SLC43A2: variants seen among roughly 807,000 people sequenced by gnomAD.
SLC43A2 encodes solute carrier family 43 member 2.
Under a neutral mutation model 63.2 loss-of-function variants are expected in SLC43A2, and 38 were observed. That is an observed-to-expected ratio of 0.60 (90% confidence interval 0.46 to 0.79). SLC43A2 has a LOEUF of 0.79. SLC43A2 is among the 30% of genes least tolerant of loss of function. The probability of loss-of-function intolerance (pLI) is 0.00; values close to 1 mark genes in which losing one functional copy is unlikely to be tolerated. For synonymous variants in SLC43A2, 322 were observed against 331.0 expected, an observed-to-expected ratio of 0.97 and a Z score of 0.30; for missense variants, 644 against 756.2, an observed-to-expected ratio of 0.85 and a Z score of 1.74.
In SLC43A2 at chr17:1,575,429, G is replaced by A. The variant is rs1168245740; in HGVS notation, c.*175C>T. On this transcript the variant is annotated 3_prime_UTR_variant, in exon 14 of 14. Transcript: ENST00000301335. ...CGGCAGGAGAAAACGCGCGTGTCCG[G>A]GGCCCTCTCCCGTCCTTCCACCACA... is the stretch of plus-strand genomic sequence containing the variant. The A allele has an allele frequency of 1.1e-5, 9 of 806,118 alleles. No individual in the cohort carries two copies. Among genetic ancestry groups the A allele is most frequent in the South Asian group, 1.0e-4 (6 of 57,596 alleles). 49.9% of individuals were successfully genotyped at this position (806,118 alleles called of 1,614,324 possible). A position where few individuals can be genotyped will look rare whatever the true frequency, so the allele number is the denominator to read the frequency against.
At chr17:1,608,920 A>G (rs887126040) in intron 5 of SLC43A2, among the ~76,000 whole-genome samples, 2 of 152,166 alleles carry the variant, frequency 1.3e-5, no homozygotes, top group African/African-American at 4.8e-5. Flanking sequence ...GTGTCTTTGT[A>G]TTTGAAAGAG....
At position 1,578,462 on chromosome 17, in the gene SLC43A2, T is replaced by A; in HGVS notation, c.1351-139A>T. 1 of 706,832 alleles carries A rather than the reference T, an allele frequency of 1.4e-6. No homozygotes were observed. Among genetic ancestry groups the A allele is most frequent in the Non-Finnish European group, 2.3e-6 (1 of 441,598 alleles). 43.8% of individuals were successfully genotyped at this position (706,832 alleles called of 1,614,324 possible). A position where few individuals can be genotyped will look rare whatever the true frequency, so the allele number is the denominator to read the frequency against. On this transcript the variant is annotated intron_variant, in intron 11 of 13. Coordinates refer to ENST00000301335, the MANE Select transcript of SLC43A2 (RefSeq NM_152346.3). The surrounding 1 kb of genome is among the most constrained non-coding windows in gnomAD (Gnocchi z 6.5). ...GATCAACCCCATCCTCCGGAGCCAA[T>A]TGTGAATTTTCAGAAATTTTGCAAG...
chr17:1,576,768 C>A, intron 12 of SLC43A2, 48 bp from the exon 13 acceptor site: 1 of 1,593,666 alleles, frequency 6.3e-7, no homozygotes. Context: ...CTGGGCTTTG[C>A]TTGGCCCCAG....
intron 9 of SLC43A2, among the ~76,000 whole-genome samples, chr17:1,588,804 C>T (rs777849241): frequency 1.3e-5 from 2 of 152,028 alleles, no homozygotes; most frequent in African/African-American, 4.8e-5. Context: ...GGGTCTCAAA[C>T]GCTGGGAGGC....
intron 9 of SLC43A2, among the ~76,000 whole-genome samples, chr17:1,590,037 C>G (rs1404052827): frequency 2.0e-5 from 3 of 152,124 alleles, no homozygotes; most frequent in Non-Finnish European, 4.4e-5. Context: ...TTCACAAGTC[C>G]TAGGGTATCT....
At chr17:1,614,883 G>A in intron 4 of SLC43A2, 96 bp downstream of exon 4, 9 of 1,252,452 alleles carry the variant, frequency 7.2e-6, no homozygotes, top group Non-Finnish European at 1.0e-5. Flanking sequence ...GGGAGCAGCA[G>A]GCCCAGGACA....
At chr17:1,582,119 A>G (rs538853587) in intron 11 of SLC43A2, among the ~76,000 whole-genome samples, 19 of 144,760 alleles carry the variant, frequency 1.3e-4, no homozygotes, top group Non-Finnish European at 2.0e-4. Flanking sequence ...TCACTCTGTC[A>G]TCCAGGCTGG....
At position 1,578,117 on chromosome 17, in the gene SLC43A2, T is replaced by TC. The variant is rs957733174; in HGVS notation, c.1424+132dup. 1.2e-6 allele frequency: 1 copy of TC among 824,794 alleles called. No individual in the cohort carries two copies. The highest frequency in any genetic ancestry group is 1.7e-5 in the African/African-American group (1 of 58,670). 51.1% of individuals were successfully genotyped at this position (824,794 alleles called of 1,614,324 possible). On this transcript the variant is annotated intron_variant, in intron 12 of 13. Transcript: ENST00000301335. The surrounding 1 kb of genome is among the most constrained non-coding windows in gnomAD (Gnocchi z 6.5). ...CACCCAGCAGAAACCCTGGTACCTG[T>TC]CCCCTGAAGCAGGAAGATGAGCCCT... is the stretch of plus-strand genomic sequence containing the variant.
intron 10 of SLC43A2, among the ~76,000 whole-genome samples, chr17:1,584,640 C>T (rs1266829785): frequency 6.9e-6 from 1 of 145,942 alleles, no homozygotes; most frequent in African/African-American, 2.5e-5. Flanking sequence ...TGTGAAACCC[C>T]TGTCTCTACT....
intron 6 of SLC43A2, among the ~76,000 whole-genome samples, chr17:1,591,961 A>G (rs375207661): frequency 4.6e-5 from 7 of 152,316 alleles, no homozygotes; most frequent in Admixed American, 3.3e-4. Context: ...CCGCCCCGCC[A>G]TGACCACGGC....
At chr17:1,585,522 A>G in intron 10 of SLC43A2, 1 of 462,174 alleles carries the variant, frequency 2.2e-6, no homozygotes, top group South Asian at 2.0e-5. Context: ...TTGGTATTAT[A>G]GGCATGAACC....
chr17:1,583,165 C>CCCCACCT lies in SLC43A2; in HGVS notation c.1350+32_1350+38dup, dbSNP rs766705251. On this transcript the variant is annotated intron_variant, in intron 11 of 13. Coordinates refer to ENST00000301335, the MANE Select transcript of SLC43A2 (RefSeq NM_152346.3). This position sits in a 1 kb window ranked among gnomAD's most constrained non-coding sequence, Gnocchi z 5.5. ...AGTCTTTACATGTTCCTTCTGACTG[C>CCCCACCT]CCCACCTCCCACCTGCCCCTCCCAC... 5.0e-6 allele frequency: 8 copies of CCCCACCT among 1,601,658 alleles called. No individual in the cohort carries two copies. In the East Asian group the frequency reaches 1.8e-4, roughly 36 times the overall value.
Position 1,588,317 on chromosome 17 carries a change from C to T in SLC43A2, c.1079-2266G>A, listed in dbSNP as rs377200798. On this transcript the variant is annotated intron_variant, in intron 9 of 13. Transcript: ENST00000301335. ...AGAACAATCGCTTGAACCCGAGAGGCGGAGGTTGCAGTGAGCCGAGCTCAT... is the reference window on the plus strand; with the variant it reads ...AGAACAATCGCTTGAACCCGAGAGGTGGAGGTTGCAGTGAGCCGAGCTCAT... 4.6e-5 allele frequency among the ~76,000 whole-genome samples: 7 copies of T among 151,800 alleles called. No individual in the cohort carries two copies. The South Asian group carries it at 1.5e-3, about 32-fold the overall frequency.
At chr17:1,615,842 C>CAATAAATAAATA (rs55746555) in intron 3 of SLC43A2, among the ~76,000 whole-genome samples, 4,867 of 118,732 alleles carry the variant, frequency 0.041, 205 homozygotes, top group African/African-American at 0.099. Flanking sequence ...GACTCCATCT[C>CAATAAATAAATA]AATAAATAAA....
In SLC43A2 at chr17:1,615,102, T is replaced by G. The variant is rs112497311; in HGVS notation, c.369-68A>C. 267 of 1,587,824 alleles carry G rather than the reference T, an allele frequency of 1.7e-4. 1 individual carries two copies. The highest frequency in any genetic ancestry group is 8.2e-4 in the South Asian group (73 of 89,536). The stretch of plus-strand genomic sequence containing the variant: ...TTATTCAGTGTTATTGTTTTGTTTT[T>G]GTTTTTGGTTTTTGGTTTTTCTTGA... On this transcript the variant is annotated intron_variant, in intron 3 of 13. Coordinates refer to ENST00000301335, the MANE Select transcript of SLC43A2 (RefSeq NM_152346.3).
At chr17:1,594,360 A>T (rs925495088) in intron 5 of SLC43A2, among the ~76,000 whole-genome samples, 14 of 152,184 alleles carry the variant, frequency 9.2e-5, no homozygotes, top group African/African-American at 3.1e-4. Flanking sequence ...GCCTAGGGCA[A>T]ACTACATCCT....
At position 1,583,733 on chromosome 17, in the gene SLC43A2, A is replaced by C; in HGVS notation, c.1218-397T>G. Reference sequence around the variant, plus strand: ...TGATAAGAAGCCAGATACAAGCCAAATAGGGGAGTGAATGGGTTTCCCCTT... The same window carrying C: ...TGATAAGAAGCCAGATACAAGCCAACTAGGGGAGTGAATGGGTTTCCCCTT... On this transcript the variant is annotated intron_variant, in intron 10 of 13. Transcript: ENST00000301335. This position sits in a 1 kb window ranked among gnomAD's most constrained non-coding sequence, Gnocchi z 5.5. 5 of 197,456 alleles carry C rather than the reference A, an allele frequency of 2.5e-5. No individual in the cohort carries two copies. Among genetic ancestry groups the C allele is most frequent in the Non-Finnish European group, 5.3e-5 (5 of 93,708 alleles). 12.2% of individuals were successfully genotyped at this position (197,456 alleles called of 1,614,324 possible). A position where few individuals can be genotyped will look rare whatever the true frequency, so the allele number is the denominator to read the frequency against.
At chr17:1,628,019 C>A (rs1431772883) in intron 1 of SLC43A2, 99 bp from the exon 2 acceptor site, 7 of 1,158,846 alleles carry the variant, frequency 6.0e-6, no homozygotes, top group Middle Eastern at 6.7e-4. Flanking sequence ...GATTGCCACC[C>A]CTCCCCGGCC....
chr17:1,620,940 C>T (rs546289866), intron 2 of SLC43A2, among the ~76,000 whole-genome samples: 5 of 152,254 alleles, frequency 3.3e-5, no homozygotes, highest in South Asian at 2.1e-4. Flanking sequence ...TGCTCACCCC[C>T]GGCCAGGCTG....
Sources: allele counts gnomAD v4.1 joint callset (sites outside exome capture counted in the v4.1 genomes callset), GRCh38; gene constraint gnomAD v4.1.1; non-coding constraint Gnocchi (gnomAD v3.1); transcripts MANE v1.5; gene names NCBI Gene and HGNC (gene_info 2026-07-23, HGNC 2026-07-21).